Variants in BCL2L13 observed in about 807,000 individuals in gnomAD.
BCL2L13 encodes the protein bcl-2-like protein 13.
BCL2L13 carries 13 observed loss-of-function variants against 25.8 expected under a neutral mutation model. The ratio of observed to expected loss-of-function variants is 0.50; its 90% CI spans 0.33 to 0.80. The LOEUF (loss-of-function observed/expected upper bound fraction) is 0.80. Among genes scored for constraint, BCL2L13 ranks in the 30% least tolerant of loss-of-function variants. The pLI is 0.02. For synonymous variants in BCL2L13, 244 were observed against 230.3 expected (o/e 1.06, Z -0.54); for missense variants, 504 against 574.9 (o/e 0.88, Z 1.26).
At chr22:17,636,077 A>G (rs1012422372), upstream of BCL2L13, among the ~76,000 whole-genome samples, 1 of 148,424 alleles carries the variant, frequency 6.7e-6, no homozygotes, top group Non-Finnish European at 1.5e-5. Flanking sequence ...TAATCCCACC[A>G]CTTTGGGAGT....
chr22:17,706,210 A>G (rs564662853), intron 6 of BCL2L13, among the ~76,000 whole-genome samples: 39 of 151,822 alleles, frequency 2.6e-4, no homozygotes, highest in East Asian at 1.7e-3. Context: ...AGGTTTCACT[A>G]TGTTGCCCAA....
At chr22:17,684,464 C>T in intron 3 of BCL2L13, 1 of 415,018 alleles carries the variant, frequency 2.4e-6, no homozygotes, top group East Asian at 7.3e-5. Context: ...GCCCCAGGCC[C>T]CAACCCCACC....
At chr22:17,690,616 T>C (rs890137071) in intron 4 of BCL2L13, among the ~76,000 whole-genome samples, 1 of 151,902 alleles carries the variant, frequency 6.6e-6, no homozygotes, top group African/African-American at 2.4e-5. Flanking sequence ...TTTAGAAAAT[T>C]AGCCAGTGTG....
At position 17,726,851 on chromosome 22, in the gene BCL2L13, A is replaced by C. The variant is rs777228047; in HGVS notation, c.775A>C (p.Ser259Arg). ...GAGCTTACCTGTGTCACTGTCAGCT[A>C]GCCAGAGTTGGCACACAGAAAGCCT... ...SESLPVSLSA[S>R]QSWHTESLPV... is the part of the protein sequence containing the mutation. Residue 259 changes from serine to arginine, a missense_variant, in exon 7 of 7, where the codon AGC becomes CGC. Ser to Arg is a moderately radical substitution (Grantham distance 110). Coordinates refer to ENST00000317582, the MANE Select transcript of BCL2L13 (RefSeq NM_015367.4). 6.2e-7 allele frequency: 1 copy of C among 1,613,982 alleles called. No homozygotes were observed. Among genetic ancestry groups the C allele is most frequent in the Non-Finnish European group, 8.5e-7 (1 of 1,179,840 alleles).
chr22:17,636,322 CA>C (rs1218163149), upstream of BCL2L13, among the ~76,000 whole-genome samples: 1 of 102,488 alleles, frequency 9.8e-6, no homozygotes. Flanking sequence ...GACTCCGTCT[CA>C]AAAAAAAGAA....
rs536294143 is a variant in BCL2L13 at position 17,668,791 on chromosome 22, T to C, written c.121+12959T>C. Among the ~76,000 whole-genome samples, 196 of 152,220 alleles carry C rather than the reference T, an allele frequency of 1.3e-3. 1 individual carries two copies. The highest frequency in any genetic ancestry group is 2.1e-3 in the Non-Finnish European group (144 of 68,004). On this transcript the variant is annotated intron_variant, in intron 2 of 6. Coordinates refer to ENST00000317582, the MANE Select transcript of BCL2L13 (RefSeq NM_015367.4). ...GATCTGTTTTGAGTTAATTTTTACA[T>C]ATGGTTTGAAGTAGGGATTCAGATA...
intron 5 of BCL2L13, among the ~76,000 whole-genome samples, chr22:17,700,141 A>G (rs963399825): frequency 1.3e-5 from 2 of 152,132 alleles, no homozygotes; most frequent in African/African-American, 4.8e-5. Flanking sequence ...CTGCGTTTCA[A>G]GAAAGATACT....
intron 6 of BCL2L13, 148 bp downstream of exon 6, chr22:17,702,534 C>G (rs1166399184): frequency 2.7e-6 from 2 of 733,698 alleles, no homozygotes; most frequent in Non-Finnish European, 2.0e-6. Flanking sequence ...GTCTCAAACT[C>G]CTGGGCTCAA....
chr22:17,715,288 C>T (rs1390999511), intron 6 of BCL2L13, among the ~76,000 whole-genome samples: 5 of 143,030 alleles, frequency 3.5e-5, no homozygotes, highest in Non-Finnish European at 7.5e-5. Flanking sequence ...CTCTAGGAAT[C>T]CTCCTACCTC....
At chr22:17,644,140 A>C (rs1284361374) in intron 1 of BCL2L13, among the ~76,000 whole-genome samples, 9 of 150,750 alleles carry the variant, frequency 6.0e-5, no homozygotes, top group Non-Finnish European at 1.3e-4. Flanking sequence ...CGAACTCCCG[A>C]CCTTAGGTGA....
chr22:17,687,766 T>C (rs1238458944), intron 3 of BCL2L13, among the ~76,000 whole-genome samples: 3 of 150,896 alleles, frequency 2.0e-5, no homozygotes, highest in East Asian at 2.0e-4. Flanking sequence ...ATCTGCCCGC[T>C]TCAGCCTCCC....
rs369644173 is a variant in BCL2L13 at position 17,698,683 on chromosome 22, C to T, written c.456+2473C>T. On this transcript the variant is annotated intron_variant, in intron 5 of 6. Coordinates refer to ENST00000317582, the MANE Select transcript of BCL2L13 (RefSeq NM_015367.4). ...GGTGGAGGTTGCAGTGAGCCGAGAT[C>T]ATGCCACTGTATTCCAGCCTGGGCA... Among the ~76,000 whole-genome samples, 41 of 151,578 alleles carry T rather than the reference C, an allele frequency of 2.7e-4. 1 individual carries two copies. The Middle Eastern group carries it at 0.017, about 63-fold the overall frequency.
chr22:17,685,937 C>A (rs2587073), intron 3 of BCL2L13, among the ~76,000 whole-genome samples: 24,628 of 150,784 alleles, frequency 0.16, 2,304 homozygotes, highest in Non-Finnish European at 0.21. Flanking sequence ...CACCCAGCTA[C>A]TCTTTTGGTA....
intron 6 of BCL2L13, among the ~76,000 whole-genome samples, chr22:17,705,336 C>T (rs1424237475): frequency 6.7e-5 from 10 of 150,124 alleles, no homozygotes; most frequent in South Asian, 2.1e-4. Context: ...CTCCCTGTGT[C>T]GCCCAGGCTG....
Position 17,662,274 on chromosome 22 carries a change from C to T in BCL2L13, c.121+6442C>T, listed in dbSNP as rs536838213. On this transcript the variant is annotated intron_variant, in intron 2 of 6. Transcript: ENST00000317582. ...CGGGCGGATCACGAGGTCAGGAGAT[C>T]GAGACCATCCTGGCTAACACAGTGA... Among the ~76,000 whole-genome samples the T allele has an allele frequency of 5.9e-5, 9 of 152,138 alleles. No individual in the cohort carries two copies. In the East Asian group the frequency reaches 9.7e-4, roughly 16 times the overall value.
At chr22:17,630,591 C>CTTTTTTT (rs568905142) in intron 1 of BCL2L13, among the ~76,000 whole-genome samples, 4 of 120,570 alleles carry the variant, frequency 3.3e-5, no homozygotes, top group Non-Finnish European at 5.2e-5. Context: ...TTTTTCTTTT[C>CTTTTTTT]TTTTTTTTTT....
chr22:17,646,956 T>TATATC (rs1491502012), intron 1 of BCL2L13, among the ~76,000 whole-genome samples: 1 of 14,426 alleles, frequency 6.9e-5, no homozygotes, highest in African/African-American at 2.8e-4. Flanking sequence ...TATATATATA[T>TATATC]TTTTTTTTTT....
chr22:17,658,781 A>G (rs539698914), intron 2 of BCL2L13, among the ~76,000 whole-genome samples: 1 of 150,020 alleles, frequency 6.7e-6, no homozygotes, highest in African/African-American at 2.4e-5. Flanking sequence ...TAATTGGGCC[A>G]GGCACGGTGG....
In BCL2L13 at chr22:17,717,672, A is replaced by C. The variant is rs114935621; in HGVS notation, c.601-9005A>C. 9.9e-3 allele frequency among the ~76,000 whole-genome samples: 1,501 copies of C among 152,270 alleles called. 33 individuals are homozygous for C. The highest frequency in any genetic ancestry group is 0.033 in the African/African-American group (1,389 of 41,534). On this transcript the variant is annotated intron_variant, in intron 6 of 6. Coordinates refer to ENST00000317582, the MANE Select transcript of BCL2L13 (RefSeq NM_015367.4). ...AAAGAGCACAGTTCCTGATAAGAAG[A>C]AGCCAGGAATTGGAGAAACCCAATA...
Sources: allele counts gnomAD v4.1 joint callset (sites outside exome capture counted in the v4.1 genomes callset), GRCh38; gene constraint gnomAD v4.1.1; transcripts MANE v1.5; gene names NCBI Gene and HGNC (gene_info 2026-07-23, HGNC 2026-07-21).